Variants in BRSK2 observed in about 807,000 individuals in gnomAD.
BRSK2 encodes the protein BR serine/threonine kinase 2, also known as serine/threonine-protein kinase BRSK2.
In BRSK2, 19 loss-of-function variants were observed where a neutral mutation model predicts 83.3. That is an observed-to-expected ratio of 0.23 (90% CI 0.16 to 0.33). The LOEUF is 0.33. BRSK2 is among the 10% of genes least tolerant of loss of function. BRSK2 has a pLI of 1.00. For synonymous variants in BRSK2, 519 were observed against 435.4 expected (o/e 1.19, Z -2.39); for missense variants, 798 against 1,042.3 (o/e 0.77, Z 3.23).
rs1039997210 is a variant in BRSK2 at position 1,454,199 on chromosome 11, C to T, written c.1545-286C>T. The stretch of plus-strand genomic sequence containing the variant: ...GGGGGGCTCACCTGTGGAGGGGCAT[C>T]CCCAGACTTGGGAGTGGGTGGCATA... On this transcript the variant is annotated intron_variant, in intron 15 of 19. Coordinates refer to ENST00000528841, the MANE Select transcript of BRSK2 (RefSeq NM_001256627.2). This position sits in a 1 kb window ranked among gnomAD's most constrained non-coding sequence, Gnocchi z 5.2. The T allele has an allele frequency of 2.0e-5, 6 of 306,644 alleles. No homozygotes were observed. The highest frequency in any genetic ancestry group is 1.3e-4 in the Admixed American group (3 of 22,666). The allele number at this position is 306,644 out of a possible 1,614,324, so 19.0% of individuals were successfully genotyped here.
intron 1 of BRSK2, among the ~76,000 whole-genome samples, chr11:1,425,600 G>A (rs997612427): frequency 6.6e-6 from 1 of 152,168 alleles, no homozygotes; most frequent in Non-Finnish European, 1.5e-5. Context: ...TGGGCCAGGG[G>A]CCACGGGAGG....
Position 1,456,595 on chromosome 11 carries a change from T to C in BRSK2, c.1850-3T>C, listed in dbSNP as rs1846577349. 1 of 1,610,266 alleles carries C rather than the reference T, an allele frequency of 6.2e-7. No homozygotes were observed. Among genetic ancestry groups the C allele is most frequent in the Admixed American group, 1.7e-5 (1 of 59,748 alleles). On this transcript the variant is annotated splice_region_variant and splice_polypyrimidine_tract_variant and intron_variant, in intron 17 of 19. Coordinates refer to ENST00000528841, the MANE Select transcript of BRSK2 (RefSeq NM_001256627.2). ...CCAGGGCATAACCCCCTGTCTCCCC[T>C]AGGCCCCAGCCGTCGCTTCAAGAGG...
In BRSK2 at chr11:1,454,758, C is replaced by G; in HGVS notation, c.1668+150C>G. The G allele has an allele frequency of 9.5e-7, 1 of 1,054,018 alleles. No individual in the cohort carries two copies. Among genetic ancestry groups the G allele is most frequent in the Non-Finnish European group, 1.4e-6 (1 of 740,452 alleles). The allele number at this position is 1,054,018 out of a possible 1,614,324, so 65.3% of individuals were successfully genotyped here. A position where few individuals can be genotyped will look rare whatever the true frequency, so the allele number is the denominator to read the frequency against. ...CCGTGGGCCTGCCTGGCCGCCTTCA[C>G]TGGACAGGCGCTCTCTCCTGCCCAC... is the stretch of plus-strand genomic sequence containing the variant. On this transcript the variant is annotated intron_variant, in intron 16 of 19. Coordinates refer to ENST00000528841, the MANE Select transcript of BRSK2 (RefSeq NM_001256627.2). This position sits in a 1 kb window ranked among gnomAD's most constrained non-coding sequence, Gnocchi z 5.2.
At chr11:1,418,353 T>C (rs1192085327) in intron 1 of BRSK2, among the ~76,000 whole-genome samples, 1 of 149,602 alleles carries the variant, frequency 6.7e-6, no homozygotes, top group Non-Finnish European at 1.5e-5. Flanking sequence ...CCTGCTTCTG[T>C]TGTCTGTTTC....
Position 1,456,674 on chromosome 11 carries a change from C to T in BRSK2, c.1926C>T (p.Ala642=). The change falls in exon 18 of 20, where the codon GCC becomes GCT. Residue 642 remains alanine, a synonymous_variant. Coordinates refer to ENST00000528841, the MANE Select transcript of BRSK2 (RefSeq NM_001256627.2). Reference sequence around the variant, plus strand: ...TGAGCACACACGACCCGCCTGCGGCCCAGCACTTGTCAGGTGAGGCGGGCT... The same window carrying T: ...TGAGCACACACGACCCGCCTGCGGCTCAGCACTTGTCAGGTGAGGCGGGCT... The part of the protein sequence containing the change: ...QLLSTHDPPA[A]QHLSDTTNCM... The T allele has an allele frequency of 6.2e-7, 1 of 1,605,750 alleles. No individual in the cohort carries two copies. Among genetic ancestry groups the T allele is most frequent in the Non-Finnish European group, 8.5e-7 (1 of 1,177,220 alleles).
At chr11:1,433,236 T>C (rs920238078) in intron 1 of BRSK2, among the ~76,000 whole-genome samples, 1 of 152,234 alleles carries the variant, frequency 6.6e-6, no homozygotes, top group African/African-American at 2.4e-5. Context: ...TTTGTGAAAA[T>C]GCAGAGCCAC....
rs28615136 is a variant in BRSK2, at chr11:1,423,843, T to C, written c.92-12197T>C. On this transcript the variant is annotated intron_variant, in intron 1 of 19. Coordinates refer to ENST00000528841, the MANE Select transcript of BRSK2 (RefSeq NM_001256627.2). The surrounding 1 kb of genome is among the most constrained non-coding windows in gnomAD (Gnocchi z 6.5). ...GGTGCCCCAGGCCTCCCCCGCTGAG[T>C]GTTCCCGGTGCCCCTGGGCCTGCAG... Among the ~76,000 whole-genome samples, 55 of 148,976 alleles carry C rather than the reference T, an allele frequency of 3.7e-4. No homozygotes were observed. Among genetic ancestry groups the C allele is most frequent in the African/African-American group, 7.9e-4 (32 of 40,274 alleles).
At chr11:1,414,767 G>T (rs551293859) in intron 1 of BRSK2, among the ~76,000 whole-genome samples, 23 of 152,252 alleles carry the variant, frequency 1.5e-4, no homozygotes, top group African/African-American at 5.1e-4. Flanking sequence ...CCGTGGGAGC[G>T]TGGCCTGCCT....
intron 1 of BRSK2, among the ~76,000 whole-genome samples, chr11:1,414,051 T>C (rs1455018612): frequency 1.3e-5 from 2 of 152,268 alleles, no homozygotes; most frequent in African/African-American, 2.4e-5. Context: ...TTTCTCCATC[T>C]GTGCTTAGTT....
rs1189293460 is a variant in BRSK2 at position 1,461,023 on chromosome 11, G to C, written c.*300G>C. On this transcript the variant is annotated 3_prime_UTR_variant, in exon 20 of 20. Coordinates refer to ENST00000528841, the MANE Select transcript of BRSK2 (RefSeq NM_001256627.2). ...CTCCACGAGGCCATCCTCTGTGACC[G>C]AAGGCAGCTGCTGCGGACCCGCCCT... The C allele has an allele frequency of 1.2e-6, 2 of 1,611,242 alleles. No homozygotes were observed. Among genetic ancestry groups the C allele is most frequent in the South Asian group, 1.1e-5 (1 of 90,918 alleles).
rs534841052 is a variant in BRSK2 at position 1,428,202 on chromosome 11, G to A, written c.92-7838G>A. Among the ~76,000 whole-genome samples the A allele has an allele frequency of 1.1e-4, 17 of 152,262 alleles. No individual in the cohort carries two copies. The South Asian group carries it at 2.9e-3, about 26-fold the overall frequency. ...TGGCTGCCTTTACCTGAGCCACTGC[G>A]AGGCTCCTGAGCATAGGCAGGAGGC... On this transcript the variant is annotated intron_variant, in intron 1 of 19. Coordinates refer to ENST00000528841, the MANE Select transcript of BRSK2 (RefSeq NM_001256627.2).
chr11:1,445,819 C>T lies in BRSK2; in HGVS notation c.1138C>T (p.Arg380Cys), dbSNP rs771787614. 6 of 1,612,518 alleles carry T rather than the reference C, an allele frequency of 3.7e-6. No individual in the cohort carries two copies. The highest frequency in any genetic ancestry group is 1.7e-5 in the Admixed American group (1 of 60,018). The change falls in exon 12 of 20, where the codon CGC becomes TGC. Residue 380 changes from arginine (R) to cysteine (C), a missense_variant. Coordinates refer to ENST00000528841, the MANE Select transcript of BRSK2 (RefSeq NM_001256627.2). ...CCGGCACGGCAAGCGGCGGCCAGAA[C>T]GCAAATCCATGGAGGTGCTCAGCGT... Reference protein sequence around the residue: ...LNRHGKRRPERKSMEVLSVTD... With the variant: ...LNRHGKRRPECKSMEVLSVTD...
rs538522173 is a variant in BRSK2, at chr11:1,416,354, C to T, written c.92-19686C>T. On this transcript the variant is annotated intron_variant, in intron 1 of 19. Coordinates refer to ENST00000528841, the MANE Select transcript of BRSK2 (RefSeq NM_001256627.2). ...TGTTCTATTTCCTGGGTGTCACGTC[C>T]GCAAAATCCGCTGTTTTGCAGGGTC... Among the ~76,000 whole-genome samples the T allele has an allele frequency of 2.4e-4, 36 of 152,238 alleles. No homozygotes were observed. In the South Asian group the frequency reaches 3.7e-3, roughly 16 times the overall value.
At position 1,454,662 on chromosome 11, in the gene BRSK2, C is replaced by G; in HGVS notation, c.1668+54C>G. On this transcript the variant is annotated intron_variant, in intron 16 of 19. Transcript: ENST00000528841. This position sits in a 1 kb window ranked among gnomAD's most constrained non-coding sequence, Gnocchi z 5.2. ...GGCAGCCCTCCCAACCCCACACGGC[C>G]CAGCCCCGAGAATCCAGCCTCCTCA... 6.2e-7 allele frequency: 1 copy of G among 1,601,130 alleles called. No homozygotes were observed. Among genetic ancestry groups the G allele is most frequent in the East Asian group, 2.2e-5 (1 of 44,726 alleles).
chr11:1,452,879 T>G (rs1656211342), intron 15 of BRSK2, among the ~76,000 whole-genome samples: 1 of 152,226 alleles, frequency 6.6e-6, no homozygotes, highest in African/African-American at 2.4e-5. Flanking sequence ...GGACCTGAGA[T>G]AACCCCCAGC....
At chr11:1,410,830 C>T (rs1039479540) in intron 1 of BRSK2, 5 of 985,538 alleles carry the variant, frequency 5.1e-6, no homozygotes, top group Non-Finnish European at 6.0e-6. Context: ...AGGGCACCAC[C>T]GAGACCACTG....
Position 1,459,123 on chromosome 11 carries a change from C to T in BRSK2, c.1940-69C>T, listed in dbSNP as rs375659023. 73 of 1,497,524 alleles carry T rather than the reference C, an allele frequency of 4.9e-5. No homozygotes were observed. The Middle Eastern group carries it at 2.2e-3, about 46-fold the overall frequency. 92.8% of individuals were successfully genotyped at this position (1,497,524 alleles called of 1,614,324 possible). ...ACCCCCTCCCCATCGAGGCTGTGGG[C>T]GTCCAGCCAGAAGGCCCAGGACAGC... On this transcript the variant is annotated intron_variant, in intron 18 of 19. Transcript: ENST00000528841.
At chr11:1,448,396 A>G (rs749347977) in intron 12 of BRSK2, among the ~76,000 whole-genome samples, 11 of 152,080 alleles carry the variant, frequency 7.2e-5, no homozygotes, top group Non-Finnish European at 1.6e-4. Context: ...CCCCGTGCCT[A>G]CCTGGGACCC....
At chr11:1,412,061 C>T (rs1441565787) in intron 1 of BRSK2, among the ~76,000 whole-genome samples, 1 of 7,704 alleles carries the variant, frequency 1.3e-4, no homozygotes. Flanking sequence ...GCTGCGCCGC[C>T]CCGTCCTGCG....
Sources: gnomAD v4.1 joint callset for allele counts (sites outside exome capture counted in the v4.1 genomes callset) on GRCh38, gnomAD v4.1.1 for gene constraint, Gnocchi (gnomAD v3.1) non-coding constraint, MANE v1.5 for transcripts, NCBI Gene and HGNC (gene_info 2026-07-23, HGNC 2026-07-21) for gene names.